The following FGD6 variants were observed in gnomAD, a reference collection of about 807,000 sequenced individuals.
The protein encoded by FGD6 is FYVE, RhoGEF and PH domain-containing protein 6.
In FGD6, 90 loss-of-function variants were observed where a neutral mutation model predicts 149.4. The ratio of observed to expected loss-of-function variants is 0.60; its 90% CI spans 0.51 to 0.72. The LOEUF (loss-of-function observed/expected upper bound fraction) is 0.72. Among genes scored for constraint, FGD6 ranks in the 30% least tolerant of loss-of-function variants. The pLI is 0.00. For synonymous variants in FGD6, 527 were observed against 584.0 expected (o/e 0.90, Z 1.41); for missense variants, 1,437 against 1,684.8 (o/e 0.85, Z 2.57).
chr12:95,122,964 C>T (rs1220030366), intron 8 of FGD6, among the ~76,000 whole-genome samples: 2 of 150,796 alleles, frequency 1.3e-5, no homozygotes, highest in African/African-American at 2.4e-5. Context: ...TGCCTCCAGT[C>T]CCAGCTTCTT....
chr12:95,104,882 C>T (rs1878558466), intron 14 of FGD6, 125 bp downstream of exon 14: 1 of 710,818 alleles, frequency 1.4e-6, no homozygotes, highest in Non-Finnish European at 2.3e-6. Context: ...CACTGCATTC[C>T]AGCCTGGGTG....
At chr12:95,091,534 C>A (rs1172745399) in intron 17 of FGD6, among the ~76,000 whole-genome samples, 173 bp downstream of exon 17, 2 of 152,104 alleles carry the variant, frequency 1.3e-5, no homozygotes, top group Non-Finnish European at 2.9e-5. Flanking sequence ...AAATTTCAGC[C>A]CAACCTCTCC....
intron 8 of FGD6, among the ~76,000 whole-genome samples, chr12:95,121,718 T>G (rs1879196433): frequency 6.6e-6 from 1 of 151,816 alleles, no homozygotes; most frequent in Non-Finnish European, 1.5e-5. Flanking sequence ...TGCAGTGGCA[T>G]GATCTTGGCT....
intron 16 of FGD6, 103 bp from the exon 17 acceptor site, chr12:95,091,912 A>G (rs1326528180): frequency 1.2e-6 from 1 of 831,302 alleles, no homozygotes; most frequent in Non-Finnish European, 1.9e-6. Context: ...TTTTCAAAAC[A>G]GTTTCAGAGT....
intron 7 of FGD6, among the ~76,000 whole-genome samples, chr12:95,136,753 C>A (rs1452844091): frequency 6.6e-6 from 1 of 152,144 alleles, no homozygotes; most frequent in Non-Finnish European, 1.5e-5. Flanking sequence ...TAATCAAGTT[C>A]ATTGAGTCAG....
intron 14 of FGD6, chr12:95,100,634 C>T: frequency 1.9e-6 from 1 of 528,558 alleles, no homozygotes; most frequent in Non-Finnish European, 3.8e-6. Context: ...GACTCTAAAC[C>T]AGTGTGCACT....
chr12:95,176,816 A>T (rs904056160), intron 2 of FGD6, among the ~76,000 whole-genome samples: 1 of 152,144 alleles, frequency 6.6e-6, no homozygotes, highest in African/African-American at 2.4e-5. Flanking sequence ...ATTATCTTTT[A>T]AAATTTTAAT....
intron 3 of FGD6, among the ~76,000 whole-genome samples, chr12:95,165,299 A>T (rs1880772881): frequency 6.6e-6 from 1 of 151,390 alleles, no homozygotes; most frequent in Admixed American, 6.6e-5. Flanking sequence ...GAAGAAAAAC[A>T]GTACCTATGT....
chr12:95,133,027 GAAGT>G (rs1349910982), intron 8 of FGD6, among the ~76,000 whole-genome samples: 2 of 152,218 alleles, frequency 1.3e-5, no homozygotes, highest in African/African-American at 4.8e-5. Flanking sequence ...GCCAAAAGCA[GAAGT>G]AAGAAAGTAC....
chr12:95,194,612 G>T (rs975433967), intron 2 of FGD6, among the ~76,000 whole-genome samples: 5 of 148,444 alleles, frequency 3.4e-5, no homozygotes, highest in African/African-American at 1.2e-4. Flanking sequence ...GAGGTGGGAG[G>T]GGGGTGGGTG....
Position 95,145,020 on chromosome 12 carries a change from G to A in FGD6, c.2686-3481C>T, listed in dbSNP as rs186283401. ...TTTTTTTTTTTTGCGACAGAGTCTC[G>A]CTCTGTCGTCCAGGCTGGAGTGTAG... On this transcript the variant is annotated intron_variant, in intron 5 of 20. Transcript: ENST00000343958. Among the ~76,000 whole-genome samples, 8 of 97,572 alleles carry A rather than the reference G, an allele frequency of 8.2e-5. No homozygotes were observed. In the Admixed American group the frequency reaches 9.4e-4, roughly 11 times the overall value. The allele number at this position is 97,572 out of a possible 152,430, so 64.0% of individuals were successfully genotyped here. A position where few individuals can be genotyped will look rare whatever the true frequency, so the allele number is the denominator to read the frequency against.
chr12:95,145,427 G>T (rs2136266231), intron 5 of FGD6, among the ~76,000 whole-genome samples: 1 of 152,000 alleles, frequency 6.6e-6, no homozygotes, highest in East Asian at 1.9e-4. Context: ...ATATTGTTCG[G>T]GTTCTTCATC....
In FGD6 at chr12:95,193,351, C is replaced by CA. The variant is rs375322693; in HGVS notation, c.2441+15491dup. 1.5e-3 allele frequency among the ~76,000 whole-genome samples: 222 copies of CA among 151,820 alleles called. 1 individual carries two copies. Among genetic ancestry groups the CA allele is most frequent in the African/African-American group, 5.2e-3 (217 of 41,406 alleles). On this transcript the variant is annotated intron_variant, in intron 2 of 20. Coordinates refer to ENST00000343958, the MANE Select transcript of FGD6 (RefSeq NM_018351.4). ...CAACTTGGATGGCTCTACAGAAAAT[C>CA]ATGCTGAATTTTTTTTTTTTTTTGA...
chr12:95,176,019 T>A (rs1026496934), intron 2 of FGD6, among the ~76,000 whole-genome samples: 1 of 152,126 alleles, frequency 6.6e-6, no homozygotes, highest in Non-Finnish European at 1.5e-5. Flanking sequence ...ATTTTACATG[T>A]TCATTTCTAA....
chr12:95,173,152 CA>C (rs1046148447), intron 2 of FGD6, among the ~76,000 whole-genome samples: 2 of 152,000 alleles, frequency 1.3e-5, no homozygotes, highest in African/African-American at 4.8e-5. Context: ...AAAACAACAA[CA>C]AAAAACAAGT....
At chr12:95,086,507 G>T (rs568588679) in intron 18 of FGD6, among the ~76,000 whole-genome samples, 1 of 145,860 alleles carries the variant, frequency 6.9e-6, no homozygotes, top group South Asian at 2.2e-4. Flanking sequence ...CAAAAAGACA[G>T]TAAGCTTTTA....
intron 2 of FGD6, among the ~76,000 whole-genome samples, chr12:95,207,344 TA>T (rs1333060672): frequency 2.0e-5 from 3 of 152,210 alleles, no homozygotes; most frequent in Non-Finnish European, 4.4e-5. Context: ...CTTTCCTTTA[TA>T]AATTACCCAG....
intron 17 of FGD6, among the ~76,000 whole-genome samples, chr12:95,090,019 G>C (rs558920826): frequency 1.3e-5 from 2 of 152,084 alleles, no homozygotes; most frequent in Non-Finnish European, 2.9e-5. Flanking sequence ...AAGAACCCTG[G>C]TATTGTTAAG....
chr12:95,153,347 T>C (rs1880365834), intron 3 of FGD6, among the ~76,000 whole-genome samples: 2 of 152,166 alleles, frequency 1.3e-5, no homozygotes, highest in Admixed American at 6.5e-5. Flanking sequence ...AGAAGAAGAC[T>C]CCTTTGGGTG....
Sources: gnomAD v4.1 joint callset for allele counts (sites outside exome capture counted in the v4.1 genomes callset) on GRCh38, gnomAD v4.1.1 for gene constraint, MANE v1.5 for transcripts, NCBI Gene and HGNC (gene_info 2026-07-23, HGNC 2026-07-21) for gene names.